The following HAUS7 variants were observed in gnomAD, a reference collection of about 807,000 sequenced individuals.
HAUS7 encodes HAUS augmin-like complex subunit 7.
HAUS7 carries 3 observed loss-of-function variants against 28.4 expected under a neutral mutation model. The observed-to-expected ratio is 0.11, with a 90% CI of 0.05 to 0.27. HAUS7 has a LOEUF of 0.27. Among genes scored for constraint, HAUS7 ranks in the 10% least tolerant of loss-of-function variants. HAUS7 has a pLI of 1.00. For synonymous variants in HAUS7, 165 were observed against 132.1 expected, an observed-to-expected ratio of 1.25 and a Z score of -1.71; for missense variants, 284 against 297.3, an observed-to-expected ratio of 0.96 and a Z score of 0.33.
At chrX:153,484,095 T>C (rs2089620015) in intron 1 of HAUS7, among the ~76,000 whole-genome samples, 1 of 111,794 alleles carries the variant, frequency 8.9e-6, no homozygotes, top group South Asian at 3.7e-4. Context: ...ATGGGATCCT[T>C]CCTGCCTCTC....
intron 8 of HAUS7, 186 bp downstream of exon 8, chrX:153,455,356 G>A (rs1239980803): frequency 8.9e-6 from 4 of 447,221 alleles, no homozygotes; most frequent in Middle Eastern, 6.1e-4. Context: ...GCCCACTGAG[G>A]GGCCCAGAGC....
At chrX:153,480,494 G>A (rs1467016258) in intron 1 of HAUS7, 2 of 638,269 alleles carry the variant, frequency 3.1e-6, no homozygotes, top group Non-Finnish European at 3.7e-6. Flanking sequence ...CCTGGGTAAA[G>A]AGGAAGGGCG....
At chrX:153,472,419 C>T (rs1040118715), upstream of HAUS7, among the ~76,000 whole-genome samples, 77 of 64,643 alleles carry the variant, frequency 1.2e-3, no homozygotes, top group African/African-American at 4.6e-3. Context: ...CCACGCCACC[C>T]CACCACCCAC....
In HAUS7 at chrX:153,455,683, G is replaced by A. The variant is rs781875981; in HGVS notation, c.789C>T (p.Ser263=). 7.5e-6 allele frequency: 9 copies of A among 1,203,592 alleles called. No homozygotes were observed. In the Admixed American group the frequency reaches 8.7e-5, roughly 12 times the overall value. ...TLDQKLRLVT[S]DFHQLILAFL... is the part of the protein sequence containing the mutation. ...AAGCCAAGATTAGCTGGTGGAAGTC[G>A]GAAGTGACCAGACGCAGCTTCTGGT... The change falls in exon 8 of 10, where the codon TCC becomes TCT. Residue 263 remains serine (S), a synonymous_variant. Coordinates refer to ENST00000370211, the MANE Select transcript of HAUS7 (RefSeq NM_001385482.1).
intron 1 of HAUS7, among the ~76,000 whole-genome samples, chrX:153,490,622 G>A (rs1227679824): frequency 6.2e-5 from 7 of 112,885 alleles, no homozygotes; most frequent in Non-Finnish European, 1.1e-4. Context: ...GTCTGCCCCC[G>A]AGGGTGCCGA....
intron 4 of HAUS7, among the ~76,000 whole-genome samples, chrX:153,460,818 C>T (rs2089379650): frequency 2.7e-5 from 3 of 112,221 alleles, no homozygotes; most frequent in South Asian, 3.7e-4. Context: ...GGGAGCTGGC[C>T]GTGCCACCAC....
intron 1 of HAUS7, chrX:153,480,575 C>T (rs782779546): frequency 9.7e-5 from 73 of 753,642 alleles, no homozygotes; most frequent in Non-Finnish European, 1.0e-4. Flanking sequence ...TGGCTCCTTC[C>T]GCAGGTCAGC....
At chrX:153,457,361 G>A (rs1392322432) in intron 4 of HAUS7, 133 bp from the exon 5 acceptor site, 3 of 472,066 alleles carry the variant, frequency 6.4e-6, no homozygotes, top group African/African-American at 2.4e-5. Context: ...GCCCATCAAC[G>A]ACCCTGTGCC....
At position 153,456,750 on chromosome X, in the gene HAUS7, C is replaced by G. The variant is rs782687978; in HGVS notation, c.447-99G>C. The G allele has an allele frequency of 1.2e-5, 8 of 671,137 alleles. No homozygotes were observed. In the East Asian group the frequency reaches 2.8e-4, roughly 24 times the overall value. The allele number at this position is 671,137 out of a possible 1,213,427, so 55.3% of individuals were successfully genotyped here. A position where few individuals can be genotyped will look rare whatever the true frequency, so the allele number is the denominator to read the frequency against. On this transcript the variant is annotated intron_variant, in intron 5 of 9. Coordinates refer to ENST00000370211, the MANE Select transcript of HAUS7 (RefSeq NM_001385482.1). The stretch of plus-strand genomic sequence containing the variant: ...GAAGGCCCCAGAAGCACATCGGGGC[C>G]AGGCACAGAGGCCAGGACAAGCCCC...
chrX:153,486,532 T>C (rs1770940770), intron 1 of HAUS7: 1 of 684,679 alleles, frequency 1.5e-6, no homozygotes, highest in African/African-American at 2.2e-5. Flanking sequence ...GTCTTACTGC[T>C]TCTCTCAGGG....
intron 2 of HAUS7, among the ~76,000 whole-genome samples, chrX:153,468,602 C>A (rs2089482373): frequency 1.8e-5 from 2 of 112,464 alleles, no homozygotes; most frequent in Non-Finnish European, 3.8e-5. Flanking sequence ...CAGGCACACA[C>A]CATGCTACAC....
chrX:153,469,272 A>G lies in HAUS7; in HGVS notation c.109-11T>C, dbSNP rs782587521. 3.9e-5 allele frequency: 32 copies of G among 827,075 alleles called. No individual in the cohort carries two copies. The highest frequency in any genetic ancestry group is 5.4e-5 in the Non-Finnish European group (30 of 551,590). The allele number at this position is 827,075 out of a possible 1,213,427, so 68.2% of individuals were successfully genotyped here. Reference sequence around the variant, plus strand: ...GGGGCAGTTTAGGTCCTAAGCAAGGAAAAGGAAAGCAACATTCACTGAAAG... The same window carrying G: ...GGGGCAGTTTAGGTCCTAAGCAAGGGAAAGGAAAGCAACATTCACTGAAAG... On this transcript the variant is annotated splice_polypyrimidine_tract_variant and intron_variant, in intron 1 of 9. Coordinates refer to ENST00000370211, the MANE Select transcript of HAUS7 (RefSeq NM_001385482.1).
chrX:153,454,607 C>T, intron 8 of HAUS7, 99 bp from the exon 9 acceptor site: 3 of 538,965 alleles, frequency 5.6e-6, no homozygotes, highest in Non-Finnish European at 9.5e-6. Flanking sequence ...GCTTCCCACC[C>T]CCACTCACAC....
At chrX:153,482,762 T>C in intron 1 of HAUS7, 4 of 755,588 alleles carry the variant, frequency 5.3e-6, no homozygotes, top group Non-Finnish European at 6.3e-6. Context: ...ACCAGCTGCG[T>C]GACAGGGACA....
rs376448988 is a variant in HAUS7 at position 153,456,537 on chromosome X, C to T, written c.561G>A (p.Leu187=). 11 of 1,177,026 alleles carry T rather than the reference C, an allele frequency of 9.3e-6. No homozygotes were observed. Among genetic ancestry groups the T allele is most frequent in the African/African-American group, 1.8e-5 (1 of 55,964 alleles). Residue 187 remains leucine, a synonymous_variant, in exon 6 of 10, where the codon CTG becomes CTA. Transcript: ENST00000370211. ...LLNPECDPWP[L]DMQPLLNKQS... is the part of the protein sequence containing the mutation. ...GCTTGTTGAGGAGGGGCTGCATGTC[C>T]AGGGGCCACGGGTCGCACTCTGGAT...
chrX:153,456,295 A>G lies in HAUS7; in HGVS notation c.675T>C (p.Ser225=). Residue 225 remains serine, a synonymous_variant, in exon 7 of 10, where the codon AGT becomes AGC. Coordinates refer to ENST00000370211, the MANE Select transcript of HAUS7 (RefSeq NM_001385482.1). The part of the protein sequence containing the change: ...LAELARQLQE[S]AAKLHALRTE... ...TTCTAAGCGCGTGCAACTTGGCAGCACTCTCCTGCAGCTGCCTGGCAAGCT... is the reference window on the plus strand; with the variant it reads ...TTCTAAGCGCGTGCAACTTGGCAGCGCTCTCCTGCAGCTGCCTGGCAAGCT... 1 of 1,209,393 alleles carries G rather than the reference A, an allele frequency of 8.3e-7. No individual in the cohort carries two copies. The highest frequency in any genetic ancestry group is 1.1e-6 in the Non-Finnish European group (1 of 893,847).
intron 1 of HAUS7, among the ~76,000 whole-genome samples, chrX:153,487,878 C>G (rs1399711166): frequency 3.5e-5 from 4 of 112,894 alleles, no homozygotes; most frequent in Admixed American, 2.8e-4. Context: ...CTGCGGAGCC[C>G]TCGAAGGCCA....
intron 1 of HAUS7, among the ~76,000 whole-genome samples, chrX:153,477,753 C>T (rs781822969): frequency 1.2e-4 from 14 of 112,514 alleles, no homozygotes; most frequent in South Asian, 3.7e-4. Flanking sequence ...CCTAGATGGT[C>T]CCTGTTTCTG....
At chrX:153,480,492 A>C in intron 1 of HAUS7, 1 of 633,765 alleles carries the variant, frequency 1.6e-6, no homozygotes, top group Non-Finnish European at 1.9e-6. Flanking sequence ...GGCCTGGGTA[A>C]AGAGGAAGGG....
Sources: gnomAD v4.1 joint callset for allele counts (sites outside exome capture counted in the v4.1 genomes callset) on GRCh38, gnomAD v4.1.1 for gene constraint, MANE v1.5 for transcripts, NCBI Gene and HGNC (gene_info 2026-07-23, HGNC 2026-07-21) for gene names.